The following FLNC variants were observed in gnomAD, a reference collection of about 807,000 sequenced individuals.
The protein encoded by FLNC is filamin C, also known as filamin-C.
A neutral mutation model predicts 254.3 loss-of-function variants in FLNC; 91 were observed. The observed-to-expected ratio is 0.36, with a 90% CI of 0.30 to 0.43. The LOEUF (loss-of-function observed/expected upper bound fraction) is 0.43. FLNC is among the 20% of genes least tolerant of loss of function. The pLI, the probability that FLNC is intolerant of heterozygous loss-of-function variation, is 1.00. For missense variants in FLNC, 2,853 were observed against 3,802.6 expected, an observed-to-expected ratio of 0.75 and a Z score of 6.57; for synonymous variants, 1,430 against 1,577.2, an observed-to-expected ratio of 0.91 and a Z score of 2.21.
chr7:128,845,492 G>A (rs1009232379), intron 21 of FLNC, among the ~76,000 whole-genome samples: 5 of 152,188 alleles, frequency 3.3e-5, no homozygotes, highest in South Asian at 2.1e-4. Context: ...GCCTCTGGGC[G>A]TTTTTCTGGA....
Position 128,845,167 on chromosome 7 carries a change from C to T in FLNC, c.3702C>T (p.Pro1234=), listed in dbSNP as rs778503145. 8.1e-6 allele frequency: 13 copies of T among 1,613,828 alleles called. No homozygotes were observed. The East Asian group carries it at 1.6e-4, about 19-fold the overall frequency. ...TTACCATCAAGTATGGCGGGCATCCCGTGCCCAAATTCCCCACCCGTGTCC... is the reference window on the plus strand; with the variant it reads ...TTACCATCAAGTATGGCGGGCATCCTGTGCCCAAATTCCCCACCCGTGTCC... The part of the protein sequence containing the change: ...YTITIKYGGH[P]VPKFPTRVHV... Residue 1234 remains proline (P), a synonymous_variant, in exon 21 of 48, where the codon CCC becomes CCT. Transcript: ENST00000325888.
chr7:128,843,596 A>C lies in FLNC; in HGVS notation c.2811+19A>C. 1 of 1,613,340 alleles carries C rather than the reference A, an allele frequency of 6.2e-7. No individual in the cohort carries two copies. The highest frequency in any genetic ancestry group is 8.5e-7 in the Non-Finnish European group (1 of 1,179,808). The stretch of plus-strand genomic sequence containing the variant: ...CCAGCAGGTGCGCTCTGCCCCTCCC[A>C]TGCTACCGCCCGGCCGGCCCGCCAG... On this transcript the variant is annotated intron_variant, in intron 18 of 47. Transcript: ENST00000325888.
Position 128,842,272 on chromosome 7 carries a change from C to T in FLNC, c.2163C>T (p.Asn721=), listed in dbSNP as rs370539335. The change falls in exon 14 of 48, where the codon AAC becomes AAT. Residue 721 remains asparagine (N), a synonymous_variant. Transcript: ENST00000325888. This position sits in a 1 kb window ranked among gnomAD's most constrained non-coding sequence, Gnocchi z 5.4. ...CCATCGACATCAAGGTGATCCCCAACGGCGACGGCACCTTCCGCTGCTCCT... is the reference window on the plus strand; with the variant it reads ...CCATCGACATCAAGGTGATCCCCAATGGCGACGGCACCTTCCGCTGCTCCT... The part of the protein sequence containing the change: ...GCPIDIKVIP[N]GDGTFRCSYV... The T allele has an allele frequency of 4.6e-5, 74 of 1,613,800 alleles. No individual in the cohort carries two copies. The highest frequency in any genetic ancestry group is 1.3e-4 in the South Asian group (12 of 91,088).
chr7:128,845,901 G>A (rs916125378), intron 21 of FLNC, 89 bp from the exon 22 acceptor site: 2 of 1,131,436 alleles, frequency 1.8e-6, no homozygotes, highest in African/African-American at 1.6e-5. Flanking sequence ...AGGAGAGGGA[G>A]AGGAGAGGGA....
At chr7:128,855,797 T>A (rs1809029991) in intron 43 of FLNC, among the ~76,000 whole-genome samples, 1 of 152,198 alleles carries the variant, frequency 6.6e-6, no homozygotes, top group Non-Finnish European at 1.5e-5. Flanking sequence ...TCTAGAGATG[T>A]GGTGTGTTCC....
At chr7:128,831,444 G>T (rs982363930) in intron 1 of FLNC, among the ~76,000 whole-genome samples, 1 of 152,212 alleles carries the variant, frequency 6.6e-6, no homozygotes, top group South Asian at 2.1e-4. Context: ...GAGGGCTGAA[G>T]ACAGGTCCCC....
At position 128,841,294 on chromosome 7, in the gene FLNC, T is replaced by A. The variant is rs1347868577; in HGVS notation, c.1938T>A (p.Asp646Glu). The change falls in exon 12 of 48, where the codon GAT becomes GAA. Residue 646 changes from aspartate to glutamate, a missense_variant. Physicochemically the swap from Asp to Glu is conservative, Grantham distance 45. Around this residue, in one of 10 missense-constraint regions of FLNC, gnomAD observed 1,573 missense variants for 1,883.5 expected, o/e 0.84. Coordinates refer to ENST00000325888, the MANE Select transcript of FLNC (RefSeq NM_001458.5). The surrounding 1 kb of genome is among the most constrained non-coding windows in gnomAD (Gnocchi z 4.3). ...ACGCTGTGCACGTCATCTGTGACGA[T>A]GAGGACATCCGAGACTCACCCTTCA... ...GEYAVHVICD[D>E]EDIRDSPFIA... 6.2e-7 allele frequency: 1 copy of A among 1,614,094 alleles called. No individual in the cohort carries two copies. The highest frequency in any genetic ancestry group is 1.3e-5 in the African/African-American group (1 of 75,042).
rs1057523921 is a variant in FLNC, at chr7:128,842,702, C to T, written c.2389+4C>T. ...GACTGCAGCGAGGCGGGGCAAGGTGCGCCCAGCCGGAAGGGGTGGGTCTGG... is the reference window on the plus strand; with the variant it reads ...GACTGCAGCGAGGCGGGGCAAGGTGTGCCCAGCCGGAAGGGGTGGGTCTGG... On this transcript the variant is annotated splice_donor_region_variant and intron_variant, in intron 15 of 47. Coordinates refer to ENST00000325888, the MANE Select transcript of FLNC (RefSeq NM_001458.5). The surrounding 1 kb of genome is among the most constrained non-coding windows in gnomAD (Gnocchi z 5.4). 10 of 1,555,086 alleles carry T rather than the reference C, an allele frequency of 6.4e-6. No homozygotes were observed. The highest frequency in any genetic ancestry group is 5.8e-5 in the Admixed American group (3 of 51,324).
At chr7:128,838,175 C>A in intron 6 of FLNC, 92 bp from the exon 7 acceptor site, 1 of 1,499,410 alleles carries the variant, frequency 6.7e-7, no homozygotes, top group Non-Finnish European at 9.3e-7. Context: ...CCCAGCTGCC[C>A]GCCTCTCACC....
In FLNC at chr7:128,841,635, C is replaced by A. The variant is rs953014733; in HGVS notation, c.2121+68C>A. ...AGGGACCCTGGAAGGCAGGGCCAGG[C>A]CAGAGGCAGAGGCCTCCCAGCAGGA... On this transcript the variant is annotated intron_variant, in intron 13 of 47. Transcript: ENST00000325888. The surrounding 1 kb of genome is among the most constrained non-coding windows in gnomAD (Gnocchi z 4.3). 8.9e-6 allele frequency: 11 copies of A among 1,240,162 alleles called. No homozygotes were observed. The East Asian group carries it at 2.5e-4, about 29-fold the overall frequency. The allele number at this position is 1,240,162 out of a possible 1,614,324, so 76.8% of individuals were successfully genotyped here.
At position 128,830,680 on chromosome 7, in the gene FLNC, G is replaced by A. The variant is rs1263243888; in HGVS notation, c.43G>A (p.Gly15Ser). Residue 15 changes from glycine to serine, a missense_variant, in exon 1 of 48, where the codon GGC (glycine) becomes AGC (serine). By Grantham distance (56) the Gly-to-Ser change is moderately conservative. This residue lies in a region of FLNC where 37 missense variants were observed against 32.7 expected (regional missense o/e 1.13). Transcript: ENST00000325888. Reference sequence around the variant, plus strand: ...CTACTCAGACGCCGGCCTCGGCCTGGGCGATGAGACAGACGAGATGCCGTC... The same window carrying A: ...CTACTCAGACGCCGGCCTCGGCCTGAGCGATGAGACAGACGAGATGCCGTC... ...SGYSDAGLGL[G>S]DETDEMPSTE... The A allele has an allele frequency of 1.2e-6, 2 of 1,612,624 alleles. No individual in the cohort carries two copies. Among genetic ancestry groups the A allele is most frequent in the African/African-American group, 1.3e-5 (1 of 74,932 alleles).
chr7:128,837,233 C>G lies in FLNC; in HGVS notation c.675C>G (p.Ala225=), dbSNP rs780730123. The G allele has an allele frequency of 1.9e-6, 3 of 1,589,968 alleles. No individual in the cohort carries two copies. In the East Asian group the frequency reaches 6.9e-5, roughly 36 times the overall value. Reference sequence around the variant, plus strand: ...ACGCCCGGGAGGCCATGCAGCAGGCCGACGACTGGCTTGGGGTGCCCCAGG... The same window carrying G: ...ACGCCCGGGAGGCCATGCAGCAGGCGGACGACTGGCTTGGGGTGCCCCAGG... ...VENAREAMQQ[A]DDWLGVPQVI... Residue 225 remains alanine, a synonymous_variant, in exon 3 of 48, where the codon GCC becomes GCG. Transcript: ENST00000325888.
intron 42 of FLNC, 88 bp from the exon 43 acceptor site, chr7:128,855,111 G>T: frequency 9.0e-7 from 1 of 1,114,956 alleles, no homozygotes. Context: ...TGACCACAGA[G>T]CCTTTCCTGG....
intron 27 of FLNC, 32 bp downstream of exon 27, chr7:128,848,749 A>G (rs888825880): frequency 5.0e-6 from 8 of 1,613,886 alleles, no homozygotes; most frequent in Middle Eastern, 1.6e-4. Context: ...CCCGCAGGTC[A>G]TGCTCCAGGC....
Position 128,856,746 on chromosome 7 carries a change from C to T in FLNC, c.7386C>T (p.Asp2462=). The T allele has an allele frequency of 6.2e-7, 1 of 1,614,176 alleles. No individual in the cohort carries two copies. Among genetic ancestry groups the T allele is most frequent in the East Asian group, 2.2e-5 (1 of 44,874 alleles). The change falls in exon 45 of 48, where the codon GAC becomes GAT. Residue 2462 remains aspartate, a splice_region_variant and synonymous_variant. Coordinates refer to ENST00000325888, the MANE Select transcript of FLNC (RefSeq NM_001458.5). The surrounding 1 kb of genome is among the most constrained non-coding windows in gnomAD (Gnocchi z 5.9). ...AAGCCACCAACCCTTTATCCACAGA[C>T]AAGCACACCATCCGCTTCATCCCCC... ...EECYVSELDS[D]KHTIRFIPHE...
At chr7:128,843,359 G>T in intron 17 of FLNC, 40 bp downstream of exon 17, 1 of 1,612,908 alleles carries the variant, frequency 6.2e-7, no homozygotes, top group South Asian at 1.1e-5. Context: ...CTCGAGGTTG[G>T]GGTTAGGTGG....
chr7:128,854,851 G>A lies in FLNC; in HGVS notation c.7074G>A (p.Glu2358=). ...SIAVEGPSKA[E]IAFEDRKDGS... Reference sequence around the variant, plus strand: ...CTGTGGAGGGTCCTAGCAAAGCGGAGATTGCATTTGAGGATCGCAAAGATG... The same window carrying A: ...CTGTGGAGGGTCCTAGCAAAGCGGAAATTGCATTTGAGGATCGCAAAGATG... Residue 2358 remains glutamate (E), a synonymous_variant, in exon 42 of 48, where the codon GAG becomes GAA. Transcript: ENST00000325888. 2 of 1,614,118 alleles carry A rather than the reference G, an allele frequency of 1.2e-6. No individual in the cohort carries two copies. Among genetic ancestry groups the A allele is most frequent in the Non-Finnish European group, 1.7e-6 (2 of 1,180,018 alleles).
chr7:128,830,603 C>A lies in FLNC; in HGVS notation c.-35C>A. 1 of 1,599,428 alleles carries A rather than the reference C, an allele frequency of 6.3e-7. No individual in the cohort carries two copies. The highest frequency in any genetic ancestry group is 8.5e-7 in the Non-Finnish European group (1 of 1,170,568). On this transcript the variant is annotated 5_prime_UTR_variant, in exon 1 of 48. Transcript: ENST00000325888. ...CAGCCCCCGATAGCCCAAACCGCGG[C>A]CCTAGCCCCGGCCGCACCCCCAGCC...
Position 128,841,459 on chromosome 7 carries a change from G to A in FLNC, c.2013G>A (p.Lys671=). Residue 671 remains lysine (K), a synonymous_variant, in exon 13 of 48, where the codon AAG becomes AAA. Coordinates refer to ENST00000325888, the MANE Select transcript of FLNC (RefSeq NM_001458.5). This position sits in a 1 kb window ranked among gnomAD's most constrained non-coding sequence, Gnocchi z 4.3. ...GCCTTCTTCCCTCCGCACAGGTGAA[G>A]GCCTTTGGGCCTGGCCTGGAGCCTA... ...APPDCFPDKV[K]AFGPGLEPTG... 6.2e-7 allele frequency: 1 copy of A among 1,614,058 alleles called. No individual in the cohort carries two copies. The highest frequency in any genetic ancestry group is 8.5e-7 in the Non-Finnish European group (1 of 1,179,946).
Sources: allele counts gnomAD v4.1 joint callset (sites outside exome capture counted in the v4.1 genomes callset), GRCh38; gene constraint gnomAD v4.1.1; regional missense constraint gnomAD v4.1.1; non-coding constraint Gnocchi (gnomAD v3.1); transcripts MANE v1.5; gene names NCBI Gene and HGNC (gene_info 2026-07-23, HGNC 2026-07-21).